PLPPR1: variants seen among roughly 807,000 people sequenced by gnomAD.
PLPPR1 encodes phospholipid phosphatase-related protein type 1.
A neutral mutation model predicts 33.1 loss-of-function variants in PLPPR1; 10 were observed. The observed-to-expected ratio is 0.30, with a 90% CI of 0.19 to 0.51. The LOEUF (loss-of-function observed/expected upper bound fraction) is 0.51, where lower values mean the gene tolerates loss of function less well. PLPPR1 is among the 20% of genes least tolerant of loss of function. The pLI is 0.97. For missense variants in PLPPR1, 304 were observed against 408.1 expected (o/e 0.74, Z 2.20); for synonymous variants, 151 against 151.0 (o/e 1.00, Z 0.00).
chr9:101,305,055 A>G (rs1351814018), intron 4 of PLPPR1, among the ~76,000 whole-genome samples: 1 of 152,158 alleles, frequency 6.6e-6, no homozygotes, highest in East Asian at 1.9e-4. Context: ...GGGGAGACAG[A>G]AGCCTTGTTT....
At chr9:101,047,395 T>C (rs576560312) in intron 1 of PLPPR1, among the ~76,000 whole-genome samples, 1 of 152,348 alleles carries the variant, frequency 6.6e-6, no homozygotes, top group African/African-American at 2.4e-5. Context: ...CATCTGTCCA[T>C]TGAGAAGTGA....
At chr9:101,056,264 C>G (rs558627620) in intron 1 of PLPPR1, among the ~76,000 whole-genome samples, 1 of 152,300 alleles carries the variant, frequency 6.6e-6, no homozygotes, top group Admixed American at 6.5e-5. Context: ...GTTATTGACT[C>G]TAGTCTAGAG....
chr9:101,282,010 T>C (rs183105807), intron 3 of PLPPR1, among the ~76,000 whole-genome samples: 294 of 152,272 alleles, frequency 1.9e-3, no homozygotes, highest in Non-Finnish European at 3.6e-3. Context: ...AAAACTGATA[T>C]CGCACCTTTT....
chr9:101,270,211 T>C, intron 3 of PLPPR1, 143 bp downstream of exon 3: 2 of 811,534 alleles, frequency 2.5e-6, no homozygotes, highest in Non-Finnish European at 3.9e-6. Context: ...ACAGAGTGAA[T>C]GGAGCTCTGC....
intron 1 of PLPPR1, among the ~76,000 whole-genome samples, chr9:101,137,983 G>A (rs1192589748): frequency 6.6e-6 from 1 of 152,184 alleles, no homozygotes; most frequent in Non-Finnish European, 1.5e-5. Context: ...CTTTTCTGCT[G>A]TACCAGGCTA....
At chr9:101,292,679 C>A (rs1277636883) in intron 4 of PLPPR1, among the ~76,000 whole-genome samples, 2 of 151,922 alleles carry the variant, frequency 1.3e-5, no homozygotes, top group African/African-American at 4.8e-5. Context: ...AATTTTCAAC[C>A]CAGAATTTCA....
At chr9:101,038,072 A>G (rs776620154) in intron 1 of PLPPR1, among the ~76,000 whole-genome samples, 2 of 152,110 alleles carry the variant, frequency 1.3e-5, no homozygotes, top group African/African-American at 2.4e-5. Flanking sequence ...GAAAACGACT[A>G]TCAGTTGTTT....
rs185306557 is a variant in PLPPR1 at position 101,305,710 on chromosome 9, A to G, written c.386-3501A>G. Reference sequence around the variant, plus strand: ...GAGGCCTGTTATTGTTTGTCAGTAGACCAATTACTGGTGGCTTTGAAGATC... The same window carrying G: ...GAGGCCTGTTATTGTTTGTCAGTAGGCCAATTACTGGTGGCTTTGAAGATC... On this transcript the variant is annotated intron_variant, in intron 4 of 7. Transcript: ENST00000374874. 7.2e-4 allele frequency among the ~76,000 whole-genome samples: 110 copies of G among 151,896 alleles called. 3 individuals carry two copies. Among genetic ancestry groups the G allele is most frequent in the Admixed American group, 6.3e-3 (96 of 15,238 alleles).
chr9:101,138,961 T>C (rs144859553), intron 1 of PLPPR1, among the ~76,000 whole-genome samples: 1,564 of 152,316 alleles, frequency 0.01, 10 homozygotes, highest in Middle Eastern at 0.02. Flanking sequence ...CATAGTTGTC[T>C]TTTCATATTA....
chr9:101,171,831 C>T (rs10989419), intron 1 of PLPPR1, among the ~76,000 whole-genome samples: 24,420 of 151,988 alleles, frequency 0.16, 2,038 homozygotes, highest in Non-Finnish European at 0.19. Flanking sequence ...ATGTACTGAA[C>T]AGAAATGATT....
intron 1 of PLPPR1, among the ~76,000 whole-genome samples, chr9:101,077,609 G>T (rs1830555137): frequency 6.6e-6 from 1 of 152,260 alleles, no homozygotes; most frequent in South Asian, 2.1e-4. Flanking sequence ...CACCTGTGAG[G>T]GGGTAGGAAG....
At position 101,259,482 on chromosome 9, in the gene PLPPR1, T is replaced by C. The variant is rs1039361300; in HGVS notation, c.64-10398T>C. 3.9e-5 allele frequency among the ~76,000 whole-genome samples: 6 copies of C among 152,294 alleles called. No individual in the cohort carries two copies. In the East Asian group the frequency reaches 9.7e-4, roughly 25 times the overall value. Reference sequence around the variant, plus strand: ...TAAACAACCATATAGCTTGCTGTTTTGAAAACTGGGAAGCCAAGATCAAAG... The same window carrying C: ...TAAACAACCATATAGCTTGCTGTTTCGAAAACTGGGAAGCCAAGATCAAAG... On this transcript the variant is annotated intron_variant, in intron 2 of 7. Coordinates refer to ENST00000374874, the MANE Select transcript of PLPPR1 (RefSeq NM_207299.2).
At chr9:101,297,948 T>G (rs796913019) in intron 4 of PLPPR1, among the ~76,000 whole-genome samples, 3 of 152,318 alleles carry the variant, frequency 2.0e-5, no homozygotes, top group African/African-American at 7.2e-5. Context: ...AAAAAAAATG[T>G]GAAGTTCAGT....
intron 2 of PLPPR1, among the ~76,000 whole-genome samples, chr9:101,233,710 T>TAA (rs1416761959): frequency 6.6e-6 from 1 of 151,896 alleles, no homozygotes; most frequent in African/African-American, 2.4e-5. Context: ...CTCCTTGATA[T>TAA]TGGACTTCTC....
chr9:101,241,659 C>T (rs938358593), intron 2 of PLPPR1, among the ~76,000 whole-genome samples: 3 of 152,056 alleles, frequency 2.0e-5, no homozygotes, highest in Non-Finnish European at 4.4e-5. Flanking sequence ...GGGGCCTTAT[C>T]TGAAAAGAGC....
intron 6 of PLPPR1, among the ~76,000 whole-genome samples, chr9:101,315,234 C>T (rs1226092916): frequency 6.6e-6 from 1 of 152,132 alleles, no homozygotes; most frequent in East Asian, 1.9e-4. Context: ...TAACCAACTC[C>T]TCTTCCCCCT....
At chr9:101,029,746 C>T (rs1442690321) in intron 1 of PLPPR1, among the ~76,000 whole-genome samples, 1 of 152,182 alleles carries the variant, frequency 6.6e-6, no homozygotes, top group Non-Finnish European at 1.5e-5. Context: ...TGATGAGTTA[C>T]TGACAGGCTT....
At chr9:101,220,930 C>G (rs574284208) in intron 2 of PLPPR1, among the ~76,000 whole-genome samples, 1 of 152,106 alleles carries the variant, frequency 6.6e-6, no homozygotes, top group Non-Finnish European at 1.5e-5. Flanking sequence ...TATGTTAGAA[C>G]GATAATCCCA....
intron 2 of PLPPR1, among the ~76,000 whole-genome samples, chr9:101,238,197 A>G (rs1329256002): frequency 7.3e-6 from 1 of 136,288 alleles, no homozygotes. Flanking sequence ...CTATATATAT[A>G]CCCTATATAT....
Sources: allele counts gnomAD v4.1 joint callset (sites outside exome capture counted in the v4.1 genomes callset), GRCh38; gene constraint gnomAD v4.1.1; transcripts MANE v1.5; gene names NCBI Gene and HGNC (gene_info 2026-07-23, HGNC 2026-07-21).